The following EAPP variants were observed in gnomAD, a reference collection of about 807,000 sequenced individuals.
The protein encoded by EAPP is E2F associated phosphoprotein.
A neutral mutation model predicts 34.3 loss-of-function variants in EAPP; 38 were observed. The observed-to-expected ratio is 1.11, with a 90% confidence interval of 0.85 to 1.45. The LOEUF is 1.45. Among genes scored for constraint, EAPP ranks in the 40% most tolerant of loss-of-function variants. EAPP has a pLI of 0.00. For synonymous variants in EAPP, 113 were observed against 117.6 expected (o/e 0.96, Z 0.25); for missense variants, 338 against 343.7 (o/e 0.98, Z 0.13).
intron 5 of EAPP, among the ~76,000 whole-genome samples, chr14:34,521,775 T>C (rs543971706): frequency 9.2e-5 from 14 of 151,620 alleles, no homozygotes; most frequent in Non-Finnish European, 1.9e-4. Flanking sequence ...GCTGGGACTA[T>C]AGGCACATGC....
At chr14:34,518,352 T>TTTTTTTA (rs141649103) in intron 5 of EAPP, among the ~76,000 whole-genome samples, 2 of 119,786 alleles carry the variant, frequency 1.7e-5, no homozygotes, top group African/African-American at 5.7e-5. Context: ...TTTTTTTTTT[T>TTTTTTTA]GAGATGGAGT....
chr14:34,518,176 G>A (rs1013657782), intron 5 of EAPP, among the ~76,000 whole-genome samples: 3 of 151,842 alleles, frequency 2.0e-5, no homozygotes, highest in African/African-American at 7.3e-5. Context: ...ATGTCAGTTA[G>A]GCTTCTTTGG....
chr14:34,522,050 C>CTTTGG (rs1879936294), intron 5 of EAPP, among the ~76,000 whole-genome samples: 1 of 152,148 alleles, frequency 6.6e-6, no homozygotes, highest in African/African-American at 2.4e-5. Flanking sequence ...CCTCGACTTC[C>CTTTGG]AGGGCTCAAG....
At chr14:34,534,965 A>C (rs1880419166) in intron 2 of EAPP, among the ~76,000 whole-genome samples, 2 of 151,550 alleles carry the variant, frequency 1.3e-5, no homozygotes, top group Non-Finnish European at 2.9e-5. Flanking sequence ...TGGCCTCCTG[A>C]GTAGCTCGGA....
intron 5 of EAPP, among the ~76,000 whole-genome samples, chr14:34,523,271 TC>T (rs1879977666): frequency 6.7e-6 from 1 of 148,660 alleles, no homozygotes; most frequent in Non-Finnish European, 1.5e-5. Flanking sequence ...GGAGTCTCGC[TC>T]TGTTGCCCAG....
At chr14:34,536,680 G>C (rs960587033) in intron 1 of EAPP, among the ~76,000 whole-genome samples, 2 of 151,654 alleles carry the variant, frequency 1.3e-5, no homozygotes, top group African/African-American at 2.4e-5. Context: ...ATGGGGTTTC[G>C]CCATGTTGCC....
At chr14:34,539,277 G>A (rs1181128454) in intron 1 of EAPP, 1 of 635,596 alleles carries the variant, frequency 1.6e-6, no homozygotes, top group East Asian at 3.0e-5. Flanking sequence ...CTGCTACTAA[G>A]GTGTAGAGAC....
At chr14:34,520,394 G>C (rs1879880060) in intron 5 of EAPP, among the ~76,000 whole-genome samples, 1 of 150,808 alleles carries the variant, frequency 6.6e-6, no homozygotes, top group Non-Finnish European at 1.5e-5. Flanking sequence ...ATTTTTAATA[G>C]AGACAGAGTT....
intron 2 of EAPP, among the ~76,000 whole-genome samples, chr14:34,534,885 G>C (rs1200227230): frequency 6.6e-6 from 1 of 151,158 alleles, no homozygotes; most frequent in Non-Finnish European, 1.5e-5. Flanking sequence ...TGTCACCCAG[G>C]CTGGAGTGCA....
chr14:34,523,129 T>G (rs1478519426), intron 5 of EAPP, among the ~76,000 whole-genome samples: 6 of 152,126 alleles, frequency 3.9e-5, no homozygotes, highest in African/African-American at 1.4e-4. Flanking sequence ...TATTGAGATC[T>G]GGGATACTGG....
chr14:34,525,215 C>T (rs1414169156), intron 4 of EAPP, among the ~76,000 whole-genome samples: 2 of 152,184 alleles, frequency 1.3e-5, no homozygotes, highest in Non-Finnish European at 1.5e-5. Flanking sequence ...TATAAAGATG[C>T]TCTTCCCTCA....
Position 34,516,345 on chromosome 14 carries a change from A to T in EAPP, c.823T>A (p.Phe275Ile), listed in dbSNP as rs1040406848. The T allele has an allele frequency of 6.2e-7, 1 of 1,611,780 alleles. No homozygotes were observed. Among genetic ancestry groups the T allele is most frequent in the East Asian group, 2.2e-5 (1 of 44,862 alleles). ...EVAVYDKDEV[F>I]HFFNVLASHS ...CTTGCTAAAACATTGAAAAAATGAA[A>T]GACTTCATCCTTGTCGTAGACTGCC... The change falls in exon 6 of 6, where the codon TTT becomes ATT. Residue 275 changes from phenylalanine to isoleucine, a missense_variant. Transcript: ENST00000250454.
intron 5 of EAPP, 114 bp from the exon 6 acceptor site, chr14:34,516,700 A>T: frequency 9.3e-7 from 1 of 1,070,746 alleles, no homozygotes; most frequent in South Asian, 1.6e-5. Context: ...CAAAGACAAG[A>T]CACAGGAACA....
chr14:34,532,558 G>C (rs1399212030), intron 3 of EAPP, among the ~76,000 whole-genome samples: 1 of 152,158 alleles, frequency 6.6e-6, no homozygotes, highest in Admixed American at 6.5e-5. Flanking sequence ...AAGGAAGAGG[G>C]GGGAAAAGCC....
At chr14:34,518,706 T>C (rs1274515452) in intron 5 of EAPP, among the ~76,000 whole-genome samples, 1 of 152,194 alleles carries the variant, frequency 6.6e-6, no homozygotes, top group African/African-American at 2.4e-5. Flanking sequence ...GTTATATAAA[T>C]TCCTCTTGCT....
chr14:34,533,332 G>C, intron 3 of EAPP, 112 bp downstream of exon 3: 1 of 845,758 alleles, frequency 1.2e-6, no homozygotes. Flanking sequence ...ACCATGCCTA[G>C]CTGTAATTTC....
chr14:34,532,574 G>A (rs1334909704), intron 3 of EAPP, among the ~76,000 whole-genome samples: 1 of 152,116 alleles, frequency 6.6e-6, no homozygotes, highest in Non-Finnish European at 1.5e-5. Flanking sequence ...AAGCCCTGAG[G>A]AGGGGAGGTA....
chr14:34,523,504 C>T (rs1171581516), intron 5 of EAPP, among the ~76,000 whole-genome samples: 1 of 147,662 alleles, frequency 6.8e-6, no homozygotes, highest in South Asian at 2.1e-4. Flanking sequence ...GGATTACAGG[C>T]GTGAGCCACC....
At position 34,539,606 on chromosome 14, in the gene EAPP, T is replaced by C; in HGVS notation, c.23A>G (p.Tyr8Cys). 1 of 1,582,914 alleles carries C rather than the reference T, an allele frequency of 6.3e-7. No individual in the cohort carries two copies. Among genetic ancestry groups the C allele is most frequent in the South Asian group, 1.1e-5 (1 of 89,586 alleles). The change falls in exon 1 of 6, where the codon TAC becomes TGC. Residue 8 changes from tyrosine (Y) to cysteine (C), a missense_variant. Tyr to Cys is a radical substitution (Grantham distance 194, BLOSUM62 -2). Transcript: ENST00000250454. Reference protein sequence around the residue: MNRLPDDYDPYAVEEPSD... With the variant: MNRLPDDCDPYAVEEPSD... ...AGGCTCTTCAACCGCGTAGGGGTCG[T>C]AGTCATCCGGAAGCCGGTTCATGGT...
Sources: gnomAD v4.1 joint callset for allele counts (sites outside exome capture counted in the v4.1 genomes callset) on GRCh38, gnomAD v4.1.1 for gene constraint, MANE v1.5 for transcripts, NCBI Gene and HGNC (gene_info 2026-07-23, HGNC 2026-07-21) for gene names.